Variants in ATF6 observed in about 807,000 individuals in gnomAD.
ATF6 encodes activating transcription factor 6.
ATF6 carries 53 observed loss-of-function variants against 83.6 expected under a neutral mutation model. That is an observed-to-expected ratio of 0.63 (90% CI 0.51 to 0.80). ATF6 has a LOEUF of 0.80. Among genes scored for constraint, ATF6 ranks in the 30% least tolerant of loss-of-function variants. The probability of loss-of-function intolerance (pLI) is 0.00; values close to 1 mark genes in which losing one functional copy is unlikely to be tolerated. For missense variants in ATF6, 744 were observed against 797.9 expected, an observed-to-expected ratio of 0.93 and a Z score of 0.81; for synonymous variants, 288 against 285.8, an observed-to-expected ratio of 1.01 and a Z score of -0.08.
chr1:161,814,762 G>T (rs2101775187), intron 7 of ATF6, among the ~76,000 whole-genome samples: 1 of 152,270 alleles, frequency 6.6e-6, no homozygotes, highest in Admixed American at 6.5e-5. Context: ...AAAAATAAGT[G>T]TACGTAAGAT....
At chr1:161,905,690 C>T (rs1687865446) in intron 14 of ATF6, among the ~76,000 whole-genome samples, 1 of 152,158 alleles carries the variant, frequency 6.6e-6, no homozygotes, top group Non-Finnish European at 1.5e-5. Context: ...CAACAAATTA[C>T]AATTGCTAAT....
intron 12 of ATF6, 89 bp from the exon 13 acceptor site, chr1:161,860,118 C>G: frequency 2.5e-6 from 2 of 797,978 alleles, no homozygotes; most frequent in South Asian, 6.2e-5. Flanking sequence ...GGAAGTTTAA[C>G]AAATTTAAGT....
At position 161,888,313 on chromosome 1, in the gene ATF6, T is replaced by G. The variant is rs904206781; in HGVS notation, c.1720-23983T>G. Among the ~76,000 whole-genome samples the G allele has an allele frequency of 1.2e-4, 18 of 152,240 alleles. 1 individual carries two copies. The highest frequency in any genetic ancestry group is 2.5e-4 in the Non-Finnish European group (17 of 68,040). ...ACCGTATATACCATTGAAGATGTTT[T>G]GGGTATAAAAGGGAATTTCCATAAT... On this transcript the variant is annotated intron_variant, in intron 14 of 15. Coordinates refer to ENST00000367942, the MANE Select transcript of ATF6 (RefSeq NM_007348.4).
Position 161,961,592 on chromosome 1 carries a change from G to A in ATF6, c.*2938G>A, listed in dbSNP as rs1362003867. 1.3e-5 allele frequency: 2 copies of A among 148,660 alleles called. No individual in the cohort carries two copies. The highest frequency in any genetic ancestry group is 4.9e-5 in the African/African-American group (2 of 40,508). The allele number at this position is 148,660 out of a possible 1,614,324, so 9.2% of individuals were successfully genotyped here. ...ATTAATTTTTTTTTTTTTTTTTGGT[G>A]GGATTGCCTTTTGGGGGTTGCAGCC... On this transcript the variant is annotated 3_prime_UTR_variant, in exon 16 of 16. Transcript: ENST00000367942.
In ATF6 at chr1:161,958,505, G is replaced by A. The variant is rs1689013761; in HGVS notation, c.1864G>A (p.Asp622Asn). ...GATGCAGATTGACTGTCAGGTGATG[G>A]ACACCAGGATCCTCCATATCAAAAG... ...VMMQIDCQVM[D>N]TRILHIKSSS... The change falls in exon 16 of 16, where the codon GAC becomes AAC. Residue 622 changes from aspartate (D) to asparagine (N), a missense_variant. By Grantham distance (23) the Asp-to-Asn change is conservative (BLOSUM62 1). Transcript: ENST00000367942. 1.9e-6 allele frequency: 3 copies of A among 1,613,580 alleles called. No individual in the cohort carries two copies. The highest frequency in any genetic ancestry group is 2.5e-6 in the Non-Finnish European group (3 of 1,179,692).
At chr1:161,850,138 G>T (rs1020095255) in intron 10 of ATF6, among the ~76,000 whole-genome samples, 19 of 152,124 alleles carry the variant, frequency 1.2e-4, no homozygotes, top group African/African-American at 3.1e-4. Flanking sequence ...TGGTACCATG[G>T]CAAGGTATGA....
chr1:161,877,329 A>C (rs1485015567), intron 14 of ATF6, among the ~76,000 whole-genome samples: 5 of 152,144 alleles, frequency 3.3e-5, no homozygotes, highest in African/African-American at 1.2e-4. Context: ...TATAGTAAGC[A>C]TGATGAAAAC....
chr1:161,922,536 G>T (rs1315413111), intron 15 of ATF6, among the ~76,000 whole-genome samples: 3 of 152,062 alleles, frequency 2.0e-5, no homozygotes, highest in Non-Finnish European at 2.9e-5. Flanking sequence ...ATGACAGTTT[G>T]GGAGAAAGAA....
In ATF6 at chr1:161,958,691, C is replaced by T; in HGVS notation, c.*37C>T. 1.3e-6 allele frequency: 2 copies of T among 1,539,108 alleles called. No individual in the cohort carries two copies. The highest frequency in any genetic ancestry group is 1.8e-6 in the Non-Finnish European group (2 of 1,136,568). The stretch of plus-strand genomic sequence containing the variant: ...TATGCTGGAAAACTGAGCGTGGGAC[C>T]CTGCCAGACTGAAGAGCAGGTGAGC... On this transcript the variant is annotated 3_prime_UTR_variant, in exon 16 of 16. Transcript: ENST00000367942.
intron 1 of ATF6, among the ~76,000 whole-genome samples, chr1:161,767,485 T>C (rs1684291719): frequency 6.6e-6 from 1 of 152,234 alleles, no homozygotes; most frequent in South Asian, 2.1e-4. Context: ...CCAAATGCAT[T>C]AGTGACAGTA....
chr1:161,827,639 G>T (rs1685935120), intron 9 of ATF6, among the ~76,000 whole-genome samples: 1 of 147,980 alleles, frequency 6.8e-6, no homozygotes, highest in South Asian at 2.1e-4. Flanking sequence ...TTATTGGTAT[G>T]GGCCAAATGA....
At position 161,930,884 on chromosome 1, in the gene ATF6, C is replaced by T. The variant is rs372598568; in HGVS notation, c.1804+18504C>T. ...AAAACATGTTCCTAAAATGTAGGTT[C>T]GTAGAATTTTTTTTTTTTTTCCCCT... On this transcript the variant is annotated intron_variant, in intron 15 of 15. Coordinates refer to ENST00000367942, the MANE Select transcript of ATF6 (RefSeq NM_007348.4). Among the ~76,000 whole-genome samples, 643 of 151,890 alleles carry T rather than the reference C, an allele frequency of 4.2e-3. 1 individual carries two copies. Among genetic ancestry groups the T allele is most frequent in the Non-Finnish European group, 7.0e-3 (476 of 67,958 alleles).
intron 4 of ATF6, among the ~76,000 whole-genome samples, chr1:161,786,238 G>GC (rs1459759969): frequency 1.3e-5 from 2 of 152,056 alleles, no homozygotes; most frequent in Non-Finnish European, 2.9e-5. Context: ...ACCTGCCTCG[G>GC]CCCCCCAAAG....
intron 9 of ATF6, among the ~76,000 whole-genome samples, chr1:161,828,671 A>G (rs1370626947): frequency 6.6e-6 from 1 of 152,016 alleles, no homozygotes; most frequent in African/African-American, 2.4e-5. Flanking sequence ...AACAAATGAA[A>G]AGTCTTTCCT....
rs7520119 is a variant in ATF6 at position 161,904,814 on chromosome 1, A to G, written c.1720-7482A>G. On this transcript the variant is annotated intron_variant, in intron 14 of 15. Coordinates refer to ENST00000367942, the MANE Select transcript of ATF6 (RefSeq NM_007348.4). ...TCTTTAACTAGGATTGCAGCTGGCA[A>G]TAAAGCTCAGCTTCTAATGCGAGCA... is the stretch of plus-strand genomic sequence containing the variant. Among the ~76,000 whole-genome samples the G allele has an allele frequency of 3.8e-3, 579 of 152,336 alleles. 6 individuals are homozygous for G. The highest frequency in any genetic ancestry group is 0.013 in the African/African-American group (534 of 41,572).
Position 161,943,247 on chromosome 1 carries a change from C to T in ATF6, c.1805-15199C>T, listed in dbSNP as rs1688686807. ...TGGGGGCTGTTTCCCCCATGCGGTT[C>T]TCATGATAGTGAGTCTCACGAGATC... On this transcript the variant is annotated intron_variant, in intron 15 of 15. Coordinates refer to ENST00000367942, the MANE Select transcript of ATF6 (RefSeq NM_007348.4). 3.3e-5 allele frequency among the ~76,000 whole-genome samples: 5 copies of T among 152,096 alleles called. No homozygotes were observed. The South Asian group carries it at 1.0e-3, about 31-fold the overall frequency.
intron 14 of ATF6, among the ~76,000 whole-genome samples, chr1:161,889,107 T>C (rs1687494545): frequency 6.6e-6 from 1 of 152,250 alleles, no homozygotes; most frequent in South Asian, 2.1e-4. Flanking sequence ...TAATTGGGAC[T>C]GAACATACTT....
chr1:161,807,863 ATC>A (rs1316518571), intron 7 of ATF6, among the ~76,000 whole-genome samples: 26 of 54,788 alleles, frequency 4.7e-4, no homozygotes, highest in South Asian at 2.6e-3. Flanking sequence ...TTAGTTTGTC[ATC>A]TTTTTTTTTT....
In ATF6 at chr1:161,808,231, T is replaced by A. The variant is rs79399385; in HGVS notation, c.909+5959T>A. ...ATAATTATTTTTAAGGATTCTGATT[T>A]TTATCTTAATAAACAATGAAATACT... On this transcript the variant is annotated intron_variant, in intron 7 of 15. Transcript: ENST00000367942. Among the ~76,000 whole-genome samples, 1,484 of 152,238 alleles carry A rather than the reference T, an allele frequency of 9.7e-3. 26 individuals carry two copies. Among genetic ancestry groups the A allele is most frequent in the African/African-American group, 0.034 (1,418 of 41,522 alleles).
Sources: allele counts gnomAD v4.1 joint callset (sites outside exome capture counted in the v4.1 genomes callset), GRCh38; gene constraint gnomAD v4.1.1; transcripts MANE v1.5; gene names NCBI Gene and HGNC (gene_info 2026-07-23, HGNC 2026-07-21).